Variants in TMEM156 observed in about 807,000 individuals in gnomAD.
TMEM156 encodes the protein transmembrane protein 156.
TMEM156 carries 28 observed loss-of-function variants against 30.5 expected under a neutral mutation model. That is an observed-to-expected ratio of 0.92 (90% CI 0.68 to 1.26). The LOEUF is 1.26. TMEM156 is among the 50% of genes most tolerant of loss of function. TMEM156 has a pLI of 0.00. For synonymous variants in TMEM156, 137 were observed against 119.9 expected (o/e 1.14, Z -0.93); for missense variants, 351 against 340.6 (o/e 1.03, Z -0.24).
intron 5 of TMEM156, among the ~76,000 whole-genome samples, chr4:38,982,114 G>C (rs1192957471): frequency 1.3e-5 from 2 of 152,184 alleles, no homozygotes; most frequent in African/African-American, 4.8e-5. Flanking sequence ...AGCGATGGAG[G>C]CCAGAATAAA....
chr4:38,972,765 C>G (rs1255466403), intron 5 of TMEM156, among the ~76,000 whole-genome samples: 11 of 152,152 alleles, frequency 7.2e-5, no homozygotes, highest in Admixed American at 7.2e-4. Context: ...TTATCCTTCA[C>G]CATTTGCCTC....
chr4:39,027,758 C>CTTTTTT (rs112766367), intron 1 of TMEM156, among the ~76,000 whole-genome samples: 14 of 120,790 alleles, frequency 1.2e-4, no homozygotes, highest in South Asian at 2.6e-4. Context: ...TTTTCTTTTT[C>CTTTTTT]TTTTTTTTTT....
At chr4:38,996,262 G>GAAA (rs372975520) in intron 2 of TMEM156, among the ~76,000 whole-genome samples, 3 of 119,378 alleles carry the variant, frequency 2.5e-5, no homozygotes, top group Non-Finnish European at 1.8e-5. Flanking sequence ...CCATTACTAA[G>GAAA]AAAAAAAAAA....
intron 5 of TMEM156, 70 bp downstream of exon 5, chr4:38,986,266 A>T: frequency 9.6e-7 from 1 of 1,044,816 alleles, no homozygotes; most frequent in Non-Finnish European, 1.5e-6. Context: ...TCTTGAGTTT[A>T]CTGTGTAGTG....
At chr4:38,980,447 C>T (rs1353419885) in intron 5 of TMEM156, among the ~76,000 whole-genome samples, 1 of 152,148 alleles carries the variant, frequency 6.6e-6, no homozygotes, top group African/African-American at 2.4e-5. Flanking sequence ...ATTTATTTGG[C>T]AAATATTTAT....
chr4:38,985,035 T>A (rs1331733752), intron 5 of TMEM156, among the ~76,000 whole-genome samples: 2 of 152,140 alleles, frequency 1.3e-5, no homozygotes, highest in Non-Finnish European at 2.9e-5. Flanking sequence ...AAGACAGCAG[T>A]GCTCAAAATT....
intron 4 of TMEM156, among the ~76,000 whole-genome samples, chr4:38,988,434 GGCTGGTCT>G (rs200705014): frequency 0.56 from 84,884 of 151,526 alleles, 24,010 homozygotes; most frequent in East Asian, 0.65. Context: ...ATGTTGGCCA[GGCTGGTCT>G]GCTGGTCTCA....
At position 38,993,980 on chromosome 4, in the gene TMEM156, G is replaced by A. The variant is rs748175302; in HGVS notation, c.377C>T (p.Ser126Leu). Residue 126 changes from serine (S) to leucine (L), a missense_variant, in exon 3 of 7, where the codon TCA (serine) becomes TTA (leucine). Coordinates refer to ENST00000381938, the MANE Select transcript of TMEM156 (RefSeq NM_024943.3). ...AAAATCATTTGCTTTCACTTCCATT[G>A]ATCCTCTCCTGATAAGAACTAGAAA... Reference protein sequence around the residue: ...QTSKVLIRRGSMEVKANDFHS... With the variant: ...QTSKVLIRRGLMEVKANDFHS... 3.1e-6 allele frequency: 5 copies of A among 1,613,344 alleles called. No homozygotes were observed. The highest frequency in any genetic ancestry group is 1.6e-4 in the Middle Eastern group (1 of 6,078).
At chr4:38,988,651 T>TACTC (rs74279440) in intron 4 of TMEM156, among the ~76,000 whole-genome samples, 200 bp downstream of exon 4, 67,979 of 151,944 alleles carry the variant, frequency 0.45, 16,254 homozygotes, top group East Asian at 0.66. Context: ...CTTCTTCTCT[T>TACTC]ACTTGCCCGA....
At chr4:39,009,096 C>A (rs1265447434) in intron 1 of TMEM156, among the ~76,000 whole-genome samples, 1 of 152,012 alleles carries the variant, frequency 6.6e-6, no homozygotes, top group Non-Finnish European at 1.5e-5. Flanking sequence ...CACAGAAATA[C>A]AAAAGACCCT....
At position 38,993,887 on chromosome 4, in the gene TMEM156, G is replaced by C. The variant is rs1712733218; in HGVS notation, c.470C>G (p.Thr157Ser). 6.2e-7 allele frequency: 1 copy of C among 1,613,962 alleles called. No homozygotes were observed. Among genetic ancestry groups the C allele is most frequent in the East Asian group, 2.2e-5 (1 of 44,870 alleles). The change falls in exon 3 of 7, where the codon ACT (threonine) becomes AGT (serine). Residue 157 changes from threonine (T) to serine (S), a missense_variant. By Grantham distance (58) the Thr-to-Ser change is moderately conservative. Coordinates refer to ENST00000381938, the MANE Select transcript of TMEM156 (RefSeq NM_024943.3). ...AGTGTGGTTTTTTAGATGACAGGTA[G>C]TGTTATATTCCTCCAAGTGGTCAAC... ...PLVDHLEEYN[T>S]TCHLKNHTGR... is the part of the protein sequence containing the mutation.
Position 38,998,742 on chromosome 4 carries a change from T to C in TMEM156, c.256A>G (p.Thr86Ala), listed in dbSNP as rs1440785281. The C allele has an allele frequency of 9.3e-6, 15 of 1,613,788 alleles. 1 individual carries two copies. In the Middle Eastern group the frequency reaches 1.8e-3, roughly 195 times the overall value. The change falls in exon 2 of 7, where the codon ACT becomes GCT. Residue 86 changes from threonine to alanine, a missense_variant. Physicochemically the swap from Thr to Ala is moderately conservative, Grantham distance 58. Transcript: ENST00000381938. The part of the protein sequence containing the change: ...NPSNFRNFTR[T>A]CQDITGEFKM... The stretch of plus-strand genomic sequence containing the variant: ...AATTCACCTGTGATGTCTTGGCAAG[T>C]CCTGGTGAAGTTACGAAAATTGGAG...
Position 38,988,971 on chromosome 4 carries a change from CT to C in TMEM156, c.620-2del. The C allele has an allele frequency of 6.2e-7, 1 of 1,608,998 alleles. No individual in the cohort carries two copies. Among genetic ancestry groups the C allele is most frequent in the African/African-American group, 1.3e-5 (1 of 74,766 alleles). ...GTGATCTTCATGGAACAAGTGATAT[CT>C]GTAAAGAAAACAAATACTGTAAAAA... On this transcript the variant is annotated splice_acceptor_variant, in intron 3 of 6. Coordinates refer to ENST00000381938, the MANE Select transcript of TMEM156 (RefSeq NM_024943.3). LOFTEE classifies it high-confidence loss of function.
At chr4:38,983,591 G>A (rs1189251525) in intron 5 of TMEM156, among the ~76,000 whole-genome samples, 1 of 152,064 alleles carries the variant, frequency 6.6e-6, no homozygotes, top group Non-Finnish European at 1.5e-5. Flanking sequence ...ATAGAGATGG[G>A]GTTTCACTAT....
chr4:38,986,424 T>C lies in TMEM156; in HGVS notation c.740-5A>G, dbSNP rs1711987951. ...ATGTAGGTTTGTCTCTATGACCTAT[T>C]CCCAGAAAAGAAATGAAGTATTTAG... is the stretch of plus-strand genomic sequence containing the variant. On this transcript the variant is annotated splice_polypyrimidine_tract_variant and splice_region_variant and intron_variant, in intron 4 of 6. Coordinates refer to ENST00000381938, the MANE Select transcript of TMEM156 (RefSeq NM_024943.3). 6.2e-7 allele frequency: 1 copy of C among 1,600,016 alleles called. No individual in the cohort carries two copies. The highest frequency in any genetic ancestry group is 1.7e-5 in the Admixed American group (1 of 59,958).
intron 1 of TMEM156, among the ~76,000 whole-genome samples, chr4:39,024,858 T>A (rs1339266963): frequency 6.6e-6 from 1 of 152,278 alleles, no homozygotes; most frequent in Admixed American, 6.5e-5. Context: ...TTTTATCGTA[T>A]GTAAATTATG....
intron 1 of TMEM156, among the ~76,000 whole-genome samples, chr4:39,019,027 AC>A (rs1445267261): frequency 0.41 from 31,696 of 77,600 alleles, 5,687 homozygotes; most frequent in African/African-American, 0.59. Flanking sequence ...TCTTAAAAAA[AC>A]AAAACAAAAA....
At chr4:38,986,853 G>GAAAAAAAAAAA (rs1712036216) in intron 4 of TMEM156, among the ~76,000 whole-genome samples, 2 of 84,124 alleles carry the variant, frequency 2.4e-5, no homozygotes, top group African/African-American at 4.3e-5. Flanking sequence ...AAAAAAAAAG[G>GAAAAAAAAAAA]AAAGCGACAG....
chr4:39,020,941 T>A (rs1023057939), intron 1 of TMEM156, among the ~76,000 whole-genome samples: 13 of 152,198 alleles, frequency 8.5e-5, no homozygotes, highest in African/African-American at 3.1e-4. Flanking sequence ...TTCCCTTTTC[T>A]CCACATCTTC....
Sources: gnomAD v4.1 joint callset for allele counts (sites outside exome capture counted in the v4.1 genomes callset) on GRCh38, gnomAD v4.1.1 for gene constraint, MANE v1.5 for transcripts, NCBI Gene and HGNC (gene_info 2026-07-23, HGNC 2026-07-21) for gene names.